Variants in PPP1R37 observed in about 807,000 individuals in gnomAD.
PPP1R37 encodes leucine rich repeat containing 68.
PPP1R37 carries 21 observed loss-of-function variants against 61.0 expected under a neutral mutation model. The observed-to-expected ratio is 0.34, with a 90% CI of 0.24 to 0.50. The LOEUF is 0.50. PPP1R37 is among the 20% of genes least tolerant of loss of function. The pLI is 0.98. For synonymous variants in PPP1R37, 443 were observed against 433.5 expected, an observed-to-expected ratio of 1.02 and a Z score of -0.27; for missense variants, 910 against 952.7, an observed-to-expected ratio of 0.96 and a Z score of 0.59.
intron 1 of PPP1R37, among the ~76,000 whole-genome samples, chr19:45,129,794 AAGG>A (rs1225533873): frequency 6.6e-6 from 1 of 152,196 alleles, no homozygotes; most frequent in Non-Finnish European, 1.5e-5. Context: ...GGGGAGGGAA[AAGG>A]AGGAGCGGGG....
chr19:45,100,551 C>G lies in PPP1R37; in HGVS notation c.202+7024C>G, dbSNP rs373344396. Among the ~76,000 whole-genome samples the G allele has an allele frequency of 2.1e-3, 314 of 152,320 alleles. 1 individual carries two copies. The highest frequency in any genetic ancestry group is 7.2e-3 in the African/African-American group (299 of 41,572). Reference sequence around the variant, plus strand: ...AGAGGTAAAGTAATTTTCCTGAGGTCACACAGTGGGTAAGTGGTGGAGCTG... The same window carrying G: ...AGAGGTAAAGTAATTTTCCTGAGGTGACACAGTGGGTAAGTGGTGGAGCTG... On this transcript the variant is annotated intron_variant, in intron 1 of 12. Transcript: ENST00000221462.
At chr19:45,132,483 G>T (rs1344198181) in intron 1 of PPP1R37, among the ~76,000 whole-genome samples, 1 of 151,912 alleles carries the variant, frequency 6.6e-6, no homozygotes, top group African/African-American at 2.4e-5. Flanking sequence ...TGTTTGTTTT[G>T]TAGAGACAGG....
chr19:45,107,379 A>G lies in PPP1R37; in HGVS notation c.202+13852A>G, dbSNP rs533805813. On this transcript the variant is annotated intron_variant, in intron 1 of 12. Coordinates refer to ENST00000221462, the MANE Select transcript of PPP1R37 (RefSeq NM_019121.2). ...CACTTTGGGAAGCCAAGGTGGGCAG[A>G]TCATTTGAGCCCAGGAGTTCGAGAC... Among the ~76,000 whole-genome samples the G allele has an allele frequency of 3.9e-5, 6 of 152,108 alleles. No individual in the cohort carries two copies. The South Asian group carries it at 1.2e-3, about 32-fold the overall frequency.
In PPP1R37 at chr19:45,144,867, G is replaced by C; in HGVS notation, c.1001G>C (p.Ser334Thr). 1 of 1,534,236 alleles carries C rather than the reference G, an allele frequency of 6.5e-7. No individual in the cohort carries two copies. The highest frequency in any genetic ancestry group is 8.7e-7 in the Non-Finnish European group (1 of 1,145,968). The change falls in exon 9 of 13, where the codon AGC becomes ACC. Residue 334 changes from serine to threonine, a missense_variant. Transcript: ENST00000221462. ...FLGMTLPHTQ[S>T]LETLNLGHNP... ...CCCTCCCTCCAGCCGCACACTCAGA[G>C]CCTGGAGACGCTGAACCTGGGCCAC...
chr19:45,134,189 T>C (rs1968511156), intron 1 of PPP1R37, among the ~76,000 whole-genome samples: 1 of 152,148 alleles, frequency 6.6e-6, no homozygotes, highest in African/African-American at 2.4e-5. Context: ...GAAATTTTTT[T>C]TGTAGAGACT....
At chr19:45,093,628 C>A (rs75350052) in intron 1 of PPP1R37, 101 bp downstream of exon 1, 1 of 817,416 alleles carries the variant, frequency 1.2e-6, no homozygotes, top group Admixed American at 2.5e-5. Flanking sequence ...ATAGATTGCA[C>A]CTAATGGTGA....
At chr19:45,104,639 A>G (rs982618865) in intron 1 of PPP1R37, among the ~76,000 whole-genome samples, 4 of 151,756 alleles carry the variant, frequency 2.6e-5, no homozygotes, top group African/African-American at 4.8e-5. Context: ...TTCTTGAAAA[A>G]GCAGACTTTG....
At chr19:45,102,653 C>T (rs975437265) in intron 1 of PPP1R37, among the ~76,000 whole-genome samples, 2 of 152,232 alleles carry the variant, frequency 1.3e-5, no homozygotes, top group African/African-American at 4.8e-5. Context: ...GGCTCCTCCA[C>T]ACTTGGGCTG....
At chr19:45,129,595 C>T (rs921605566) in intron 1 of PPP1R37, among the ~76,000 whole-genome samples, 5 of 152,112 alleles carry the variant, frequency 3.3e-5, no homozygotes, top group African/African-American at 9.7e-5. Context: ...CTGAGCCCGG[C>T]CTTATTTATT....
At position 45,142,214 on chromosome 19, in the gene PPP1R37, GAGCCCCA is replaced by G; in HGVS notation, c.718+9_718+15del. ...GGGGCGGCCCCTCATGCTGCTCGGT[GAGCCCCA>G]AGCCCGGGAGGGTGAGCAGGATGTG... is the stretch of plus-strand genomic sequence containing the variant. On this transcript the variant is annotated splice_donor_5th_base_variant and intron_variant, in intron 6 of 12. Coordinates refer to ENST00000221462, the MANE Select transcript of PPP1R37 (RefSeq NM_019121.2). 1 of 1,533,876 alleles carries G rather than the reference GAGCCCCA, an allele frequency of 6.5e-7. No individual in the cohort carries two copies. The highest frequency in any genetic ancestry group is 2.0e-5 in the Admixed American group (1 of 50,888).
chr19:45,109,708 C>T (rs1432786564), intron 1 of PPP1R37, among the ~76,000 whole-genome samples: 2 of 152,190 alleles, frequency 1.3e-5, no homozygotes, highest in Admixed American at 6.5e-5. Context: ...TCAGCAGGAG[C>T]CTGGACTCCC....
chr19:45,102,240 A>C (rs1051904144), intron 1 of PPP1R37, among the ~76,000 whole-genome samples: 4 of 152,230 alleles, frequency 2.6e-5, no homozygotes, highest in Non-Finnish European at 4.4e-5. Context: ...AGTCTTATAA[A>C]ATCCAGAAAA....
intron 1 of PPP1R37, among the ~76,000 whole-genome samples, chr19:45,134,811 G>A (rs1371799102): frequency 6.6e-6 from 1 of 152,114 alleles, no homozygotes; most frequent in African/African-American, 2.4e-5. Flanking sequence ...TCTGACTCTG[G>A]TGGTGACTCC....
At chr19:45,103,701 A>G (rs1186924998) in intron 1 of PPP1R37, among the ~76,000 whole-genome samples, 1 of 152,162 alleles carries the variant, frequency 6.6e-6, no homozygotes, top group Non-Finnish European at 1.5e-5. Context: ...TGCAGGGGTC[A>G]TGCCTCCTGG....
At chr19:45,118,834 C>T (rs371139707) in intron 1 of PPP1R37, among the ~76,000 whole-genome samples, 9 of 152,310 alleles carry the variant, frequency 5.9e-5, no homozygotes, top group African/African-American at 1.9e-4. Context: ...GTGGCTGCCT[C>T]CACAGCCGGG....
At chr19:45,104,076 C>T (rs1968098678) in intron 1 of PPP1R37, among the ~76,000 whole-genome samples, 1 of 152,072 alleles carries the variant, frequency 6.6e-6, no homozygotes, top group South Asian at 2.1e-4. Flanking sequence ...CCCTCCCACG[C>T]CTAGACGCAG....
At chr19:45,142,569 G>A in intron 7 of PPP1R37, 111 bp downstream of exon 7, 1 of 1,123,946 alleles carries the variant, frequency 8.9e-7, no homozygotes, top group Non-Finnish European at 1.3e-6. Context: ...CCCCAACGCT[G>A]TCCTGCTGGG....
chr19:45,107,268 G>C (rs186487128), intron 1 of PPP1R37, among the ~76,000 whole-genome samples: 1 of 151,746 alleles, frequency 6.6e-6, no homozygotes, highest in Non-Finnish European at 1.5e-5. Context: ...CGAAGAGTTC[G>C]CGACCAGCCT....
intron 7 of PPP1R37, 55 bp downstream of exon 7, chr19:45,142,513 G>A (rs770164555): frequency 2.1e-5 from 31 of 1,495,752 alleles, no homozygotes; most frequent in African/African-American, 6.9e-5. Flanking sequence ...CACTCTGCCC[G>A]GCCCTGCGCT....
Sources: allele counts gnomAD v4.1 joint callset (sites outside exome capture counted in the v4.1 genomes callset), GRCh38; gene constraint gnomAD v4.1.1; transcripts MANE v1.5; gene names NCBI Gene and HGNC (gene_info 2026-07-23, HGNC 2026-07-21).